Variants in NRXN1 observed in about 807,000 individuals in gnomAD.
The protein encoded by NRXN1 is neurexin 1.
A neutral mutation model predicts 150.9 loss-of-function variants in NRXN1; 39 were observed. That is an observed-to-expected ratio of 0.26 (90% confidence interval 0.20 to 0.34). NRXN1 has a LOEUF of 0.34. Ranked by LOEUF, NRXN1 falls within the 10% of genes least tolerant of loss-of-function variation. The probability of loss-of-function intolerance (pLI) is 1.00; values close to 1 mark genes in which losing one functional copy is unlikely to be tolerated. For missense variants in NRXN1, 1,815 were observed against 1,949.9 expected (o/e 0.93, Z 1.30); for synonymous variants, 924 against 757.0 (o/e 1.22, Z -3.62).
At chr2:50,743,263 T>C (rs891427158) in intron 5 of NRXN1, among the ~76,000 whole-genome samples, 1 of 152,180 alleles carries the variant, frequency 6.6e-6, no homozygotes, top group South Asian at 2.1e-4. Context: ...AATGCCTCGG[T>C]TTCCTTCTAG....
At chr2:50,255,436 G>C (rs2067601815) in intron 17 of NRXN1, among the ~76,000 whole-genome samples, 1 of 152,120 alleles carries the variant, frequency 6.6e-6, no homozygotes, top group Non-Finnish European at 1.5e-5. Context: ...ATCAGACATG[G>C]GGCAGGTAAG....
chr2:50,898,670 A>C (rs1310503392), intron 5 of NRXN1: 1 of 413,304 alleles, frequency 2.4e-6, no homozygotes, highest in African/African-American at 2.1e-5. Flanking sequence ...CAAAAATTTA[A>C]TTTTCCTATG....
chr2:50,979,272 T>C (rs748866007), intron 2 of NRXN1: 1 of 518,198 alleles, frequency 1.9e-6, no homozygotes, highest in Non-Finnish European at 3.9e-6. Context: ...AATATTTACA[T>C]CAGCTGGAAG....
chr2:50,722,776 C>T (rs368935387), intron 5 of NRXN1, among the ~76,000 whole-genome samples: 18 of 152,092 alleles, frequency 1.2e-4, no homozygotes, highest in African/African-American at 4.1e-4. Flanking sequence ...GAAATTCTTT[C>T]GAATTGGGGA....
chr2:50,172,542 G>GA (rs1189467485), intron 18 of NRXN1, among the ~76,000 whole-genome samples: 14 of 151,982 alleles, frequency 9.2e-5, no homozygotes, highest in Non-Finnish European at 1.8e-4. Flanking sequence ...CTCCAAAAAA[G>GA]AAAAAAATTA....
chr2:50,822,204 T>G (rs1375958502), intron 5 of NRXN1, among the ~76,000 whole-genome samples: 1 of 152,148 alleles, frequency 6.6e-6, no homozygotes, highest in East Asian at 1.9e-4. Flanking sequence ...AGTGAAAGAT[T>G]AGTATAATTT....
intron 22 of NRXN1, among the ~76,000 whole-genome samples, chr2:49,926,646 T>A (rs1669155433): frequency 6.6e-6 from 1 of 152,184 alleles, no homozygotes; most frequent in Non-Finnish European, 1.5e-5. Context: ...TTGCTCTCCA[T>A]TAAAAAGTAA....
At chr2:50,432,188 C>A (rs554926295) in intron 17 of NRXN1, 35 of 152,344 alleles carry the variant, frequency 2.3e-4, no homozygotes, top group African/African-American at 7.7e-4. Context: ...GCATTCCAAC[C>A]CGGTCACTTC....
chr2:50,059,775 G>T (rs1350920746), intron 19 of NRXN1, among the ~76,000 whole-genome samples: 2 of 152,232 alleles, frequency 1.3e-5, no homozygotes, highest in Non-Finnish European at 2.9e-5. Flanking sequence ...TTGCTTCAGA[G>T]GGTGCAAGCC....
At chr2:50,687,346 T>C (rs994995297) in intron 5 of NRXN1, among the ~76,000 whole-genome samples, 3 of 152,218 alleles carry the variant, frequency 2.0e-5, no homozygotes, top group Non-Finnish European at 4.4e-5. Flanking sequence ...CCTACATAGA[T>C]ACTTCTAAAC....
intron 5 of NRXN1, among the ~76,000 whole-genome samples, chr2:50,636,605 C>T (rs1683274652): frequency 6.6e-6 from 1 of 152,192 alleles, no homozygotes. Context: ...TTTCTGATGG[C>T]TGCTGCTTTT....
intron 22 of NRXN1, among the ~76,000 whole-genome samples, chr2:49,943,138 G>A (rs1286234686): frequency 1.3e-5 from 2 of 152,134 alleles, no homozygotes; most frequent in African/African-American, 4.8e-5. Context: ...TCATAAAGAA[G>A]TAAAATGTTT....
At chr2:50,605,696 A>T (rs1676984801) in intron 8 of NRXN1, among the ~76,000 whole-genome samples, 1 of 152,228 alleles carries the variant, frequency 6.6e-6, no homozygotes, top group African/African-American at 2.4e-5. Context: ...GTTAGTGAAC[A>T]TGCAAAATGG....
intron 21 of NRXN1, among the ~76,000 whole-genome samples, chr2:50,052,798 C>T (rs1336185359): frequency 1.0e-5 from 1 of 96,282 alleles, no homozygotes; most frequent in African/African-American, 3.5e-5. Flanking sequence ...AGCCACATGG[C>T]TGGCTATCAA....
At chr2:50,571,346 T>C (rs1380252359) in intron 8 of NRXN1, among the ~76,000 whole-genome samples, 2 of 152,162 alleles carry the variant, frequency 1.3e-5, no homozygotes, top group African/African-American at 4.8e-5. Flanking sequence ...TTGTATTAAG[T>C]TTCCTGGGTC....
chr2:50,372,098 T>A (rs2080071679), intron 17 of NRXN1, among the ~76,000 whole-genome samples: 1 of 152,130 alleles, frequency 6.6e-6, no homozygotes, highest in South Asian at 2.1e-4. Flanking sequence ...AAATTCCTGT[T>A]ACATTTCTTC....
At chr2:51,000,146 G>T (rs920934707) in intron 2 of NRXN1, among the ~76,000 whole-genome samples, 4 of 151,942 alleles carry the variant, frequency 2.6e-5, no homozygotes, top group African/African-American at 9.7e-5. Flanking sequence ...CTTCAGGCCT[G>T]TTTCACTCAC....
intron 9 of NRXN1, among the ~76,000 whole-genome samples, chr2:50,550,455 A>G (rs147564819): frequency 0.025 from 3,868 of 152,090 alleles, 59 homozygotes; most frequent in East Asian, 0.07. Flanking sequence ...TTCTAGATCT[A>G]TCTTAAGTCA....
At chr2:50,538,110 G>C in intron 10 of NRXN1, 143 bp downstream of exon 10, 2 of 848,222 alleles carry the variant, frequency 2.4e-6, no homozygotes, top group Non-Finnish European at 1.8e-6. Flanking sequence ...AGTAATCCAT[G>C]TCAGGTATGG....
Sources: allele counts gnomAD v4.1 joint callset (sites outside exome capture counted in the v4.1 genomes callset), GRCh38; gene constraint gnomAD v4.1.1; transcripts MANE v1.5; gene names NCBI Gene and HGNC (gene_info 2026-07-23, HGNC 2026-07-21).